Variants in OTUD7A observed in about 807,000 individuals in gnomAD.
OTUD7A encodes the protein OTU deubiquitinase 7A, also known as OTU domain-containing protein 7A.
A neutral mutation model predicts 65.7 loss-of-function variants in OTUD7A; 12 were observed. The observed-to-expected ratio is 0.18, with a 90% CI of 0.12 to 0.30. OTUD7A has a LOEUF of 0.30. OTUD7A is among the 10% of genes least tolerant of loss of function. OTUD7A has a pLI of 1.00. For synonymous variants in OTUD7A, 641 were observed against 586.3 expected (o/e 1.09, Z -1.35); for missense variants, 1,148 against 1,304.8 (o/e 0.88, Z 1.85).
intron 1 of OTUD7A, among the ~76,000 whole-genome samples, chr15:31,788,636 C>G (rs774470258): frequency 1.3e-5 from 2 of 152,110 alleles, no homozygotes; most frequent in Admixed American, 6.5e-5. Flanking sequence ...TTGTGTTGGC[C>G]CCAGAGTGGG....
chr15:31,863,717 T>C (rs1897806125), intron 1 of OTUD7A, among the ~76,000 whole-genome samples: 1 of 152,226 alleles, frequency 6.6e-6, no homozygotes, highest in South Asian at 2.1e-4. Flanking sequence ...GGGGCTGCCA[T>C]GAAGGTCTCT....
intron 1 of OTUD7A, among the ~76,000 whole-genome samples, chr15:31,830,850 C>A (rs900631222): frequency 6.6e-6 from 1 of 152,194 alleles, no homozygotes; most frequent in Non-Finnish European, 1.5e-5. Context: ...TGAGTGTGAG[C>A]CAACAGGTTA....
intron 5 of OTUD7A, among the ~76,000 whole-genome samples, chr15:31,543,714 G>T (rs1888049796): frequency 6.6e-6 from 1 of 151,790 alleles, no homozygotes; most frequent in Non-Finnish European, 1.5e-5. Flanking sequence ...CAGTTTAATT[G>T]CTGTATTCAA....
chr15:31,678,477 A>T (rs1309572692), intron 1 of OTUD7A, among the ~76,000 whole-genome samples: 5 of 152,160 alleles, frequency 3.3e-5, no homozygotes, highest in Admixed American at 2.0e-4. Flanking sequence ...CTAGGAGGAA[A>T]AAAACGGTTT....
chr15:31,801,935 A>G (rs554333517), intron 1 of OTUD7A, among the ~76,000 whole-genome samples: 9 of 152,324 alleles, frequency 5.9e-5, no homozygotes, highest in South Asian at 2.1e-4. Flanking sequence ...GCATCTACAC[A>G]TTACACTCAA....
intron 5 of OTUD7A, among the ~76,000 whole-genome samples, chr15:31,553,911 G>A (rs1354631179): frequency 3.3e-5 from 5 of 152,028 alleles, no homozygotes; most frequent in South Asian, 4.2e-4. Context: ...ATCAAGACGC[G>A]TCAGCCCCCG....
At chr15:31,708,773 G>A (rs1893364898) in intron 1 of OTUD7A, among the ~76,000 whole-genome samples, 1 of 151,776 alleles carries the variant, frequency 6.6e-6, no homozygotes, top group African/African-American at 2.4e-5. Context: ...GACCCAGACA[G>A]AGAATTTTAC....
rs187208605 is a variant in OTUD7A at position 31,671,860 on chromosome 15, G to A, written c.-99-14783C>T. On this transcript the variant is annotated intron_variant, in intron 1 of 12. Coordinates refer to ENST00000307050, the MANE Select transcript of OTUD7A (RefSeq NM_001382637.1). ...GGGGGTTTGGTGTACAGATTATTTT[G>A]CCACCCAGGTAATAAGCATAGGACC... Among the ~76,000 whole-genome samples the A allele has an allele frequency of 3.6e-4, 54 of 152,082 alleles. No homozygotes were observed. The East Asian group carries it at 6.9e-3, about 20-fold the overall frequency.
chr15:31,476,517 T>A lies in OTUD7A; in HGVS notation c.*6777A>T, dbSNP rs1420107022. On this transcript the variant is annotated 3_prime_UTR_variant, in exon 13 of 13. Transcript: ENST00000307050. Reference sequence around the variant, plus strand: ...GGGCAGGCTCTTGGGAAGCACACACTCCCTCCCTGAGTGCTGGCAGGAGCA... The same window carrying A: ...GGGCAGGCTCTTGGGAAGCACACACACCCTCCCTGAGTGCTGGCAGGAGCA... The A allele has an allele frequency of 6.6e-6, 1 of 152,182 alleles. No homozygotes were observed. Among genetic ancestry groups the A allele is most frequent in the African/African-American group, 2.4e-5 (1 of 41,398 alleles). 9.4% of individuals were successfully genotyped at this position (152,182 alleles called of 1,614,324 possible).
intron 8 of OTUD7A, among the ~76,000 whole-genome samples, chr15:31,521,187 T>C (rs1451205284): frequency 6.6e-6 from 1 of 152,168 alleles, no homozygotes; most frequent in Non-Finnish European, 1.5e-5. Context: ...ACTTGGGTAA[T>C]GGGTACGCTA....
Position 31,682,042 on chromosome 15 carries a change from A to T in OTUD7A, c.-99-24965T>A, listed in dbSNP as rs36010583. ...GTGAGAGAGGCTCTGAGGAAGTGAC[A>T]TCTCATCTGAAAACCACAGAGGACT... On this transcript the variant is annotated intron_variant, in intron 1 of 12. Transcript: ENST00000307050. Among the ~76,000 whole-genome samples the T allele has an allele frequency of 1.1e-3, 173 of 152,180 alleles. 1 individual carries two copies. Among genetic ancestry groups the T allele is most frequent in the African/African-American group, 3.2e-3 (134 of 41,488 alleles).
chr15:31,610,129 G>A (rs1890357165), intron 3 of OTUD7A, among the ~76,000 whole-genome samples: 1 of 152,194 alleles, frequency 6.6e-6, no homozygotes. Flanking sequence ...CTGCTAATGT[G>A]ATAAAACAAA....
chr15:31,721,912 C>T (rs1049976649), intron 1 of OTUD7A, among the ~76,000 whole-genome samples: 5 of 152,200 alleles, frequency 3.3e-5, no homozygotes, highest in Admixed American at 6.5e-5. Flanking sequence ...ACTGAATTCC[C>T]GATGCCCAGT....
At chr15:31,675,150 TTAAAA>T (rs1292104963) in intron 1 of OTUD7A, among the ~76,000 whole-genome samples, 1 of 135,668 alleles carries the variant, frequency 7.4e-6, no homozygotes, top group Non-Finnish European at 1.5e-5. Flanking sequence ...GATGTACAAC[TTAAAA>T]TTAAAGATTA....
chr15:31,497,647 T>G (rs902625022), intron 10 of OTUD7A, among the ~76,000 whole-genome samples: 13 of 152,104 alleles, frequency 8.5e-5, no homozygotes, highest in African/African-American at 2.9e-4. Flanking sequence ...ACCCTGAAGG[T>G]TCCTGAGTCC....
At chr15:31,544,870 A>G (rs148825814) in intron 5 of OTUD7A, among the ~76,000 whole-genome samples, 378 of 152,064 alleles carry the variant, frequency 2.5e-3, no homozygotes, top group Non-Finnish European at 4.8e-3. Flanking sequence ...TGCACATAGA[A>G]TATTTATTAA....
At position 31,768,167 on chromosome 15, in the gene OTUD7A, C is replaced by T. The variant is rs566666192; in HGVS notation, c.-100+102340G>A. 1.7e-5 allele frequency: 25 copies of T among 1,485,952 alleles called. No individual in the cohort carries two copies. The African/African-American group carries it at 1.8e-4, about 11-fold the overall frequency. The allele number at this position is 1,485,952 out of a possible 1,614,324, so 92.0% of individuals were successfully genotyped here. ...AACTTCATTCCACAGCTTGGTGGCC[C>T]GATAAGGCCCGGGAGGCACAACCCG... On this transcript the variant is annotated intron_variant, in intron 1 of 12. Coordinates refer to ENST00000307050, the MANE Select transcript of OTUD7A (RefSeq NM_001382637.1).
At chr15:31,833,958 A>G (rs1896995019) in intron 1 of OTUD7A, among the ~76,000 whole-genome samples, 1 of 152,208 alleles carries the variant, frequency 6.6e-6, no homozygotes, top group Admixed American at 6.5e-5. Context: ...CAGAGCCCAC[A>G]TTCTTCAGAG....
intron 3 of OTUD7A, among the ~76,000 whole-genome samples, chr15:31,644,632 T>G (rs1415372712): frequency 6.6e-6 from 1 of 152,158 alleles, no homozygotes; most frequent in African/African-American, 2.4e-5. Context: ...TATGCCACCA[T>G]GCCCAGCTAA....
Sources: allele counts gnomAD v4.1 joint callset (sites outside exome capture counted in the v4.1 genomes callset), GRCh38; gene constraint gnomAD v4.1.1; transcripts MANE v1.5; gene names NCBI Gene and HGNC (gene_info 2026-07-23, HGNC 2026-07-21).